AGMAT: variants seen among roughly 807,000 people sequenced by gnomAD.
AGMAT encodes agmatinase (putative).
AGMAT carries 37 observed loss-of-function variants against 29.3 expected under a neutral mutation model. The ratio of observed to expected loss-of-function variants is 1.26; its 90% CI spans 0.97 to 1.66. AGMAT has a LOEUF of 1.66. Among genes scored for constraint, AGMAT ranks in the 40% most tolerant of loss-of-function variants. The probability of loss-of-function intolerance (pLI) is 0.00; values close to 1 mark genes in which losing one functional copy is unlikely to be tolerated. For synonymous variants in AGMAT, 199 were observed against 200.8 expected (o/e 0.99, Z 0.08); for missense variants, 498 against 497.8 (o/e 1.00, Z 0.00).
chr1:15,583,531 A>G, intron 1 of AGMAT, 136 bp from the exon 2 acceptor site: 1 of 851,500 alleles, frequency 1.2e-6, no homozygotes. Context: ...AATGCTTAGC[A>G]GCATCCCGGC....
At chr1:15,581,172 AC>A (rs1639108102) in intron 2 of AGMAT, among the ~76,000 whole-genome samples, 1 of 151,664 alleles carries the variant, frequency 6.6e-6, no homozygotes, top group Non-Finnish European at 1.5e-5. Flanking sequence ...ATACATTAAG[AC>A]CCCGTCTTTG....
At chr1:15,573,755 C>G in intron 6 of AGMAT, 31 bp from the exon 7 acceptor site, 1 of 1,597,554 alleles carries the variant, frequency 6.3e-7, no homozygotes, top group South Asian at 1.1e-5. Context: ...ACATGAATAC[C>G]CTGCAGACGA....
At chr1:15,576,625 T>C (rs543981955) in intron 5 of AGMAT, among the ~76,000 whole-genome samples, 1 of 149,600 alleles carries the variant, frequency 6.7e-6, no homozygotes, top group South Asian at 2.1e-4. Flanking sequence ...AGACAGGGTT[T>C]CACCATCTTG....
At chr1:15,574,062 T>C (rs1181395457) in intron 6 of AGMAT, among the ~76,000 whole-genome samples, 2 of 152,214 alleles carry the variant, frequency 1.3e-5, no homozygotes, top group African/African-American at 2.4e-5. Flanking sequence ...TTAAAATTAT[T>C]GGGATGGCGT....
chr1:15,576,776 G>GTTT (rs1639046176), intron 5 of AGMAT, among the ~76,000 whole-genome samples: 1 of 24,692 alleles, frequency 4.0e-5, no homozygotes, highest in African/African-American at 1.1e-4. Context: ...TTGAGATGGA[G>GTTT]TTTCACTCTT....
At position 15,584,580 on chromosome 1, in the gene AGMAT, A is replaced by G. The variant is rs767420710; in HGVS notation, c.272+116T>C. 9.2e-4 allele frequency: 1,036 copies of G among 1,131,344 alleles called. 3 individuals are homozygous for G. The highest frequency in any genetic ancestry group is 1.0e-3 in the Non-Finnish European group (891 of 893,796). The allele number at this position is 1,131,344 out of a possible 1,614,324, so 70.1% of individuals were successfully genotyped here. ...CATAAGGGGCATTTTGGAGCCGGCC[A>G]CCAGCTTCCAACTCGACCCGGGGCC... On this transcript the variant is annotated intron_variant, in intron 1 of 6. Transcript: ENST00000375826.
chr1:15,578,935 T>C lies in AGMAT; in HGVS notation c.644A>G (p.Asp215Gly). ...GCCAATCTGCACCACACGCTTACAG[T>C]CCAGGAGACCCTCATCCACACACCG... Reference protein sequence around the residue: ...FRRCVDEGLLDCKRVVQIGIR... With the variant: ...FRRCVDEGLLGCKRVVQIGIR... Residue 215 changes from aspartate (D) to glycine (G), a missense_variant, in exon 4 of 7, where the codon GAC becomes GGC. Asp to Gly is a moderately conservative substitution (Grantham distance 94). Transcript: ENST00000375826. 1 of 1,614,070 alleles carries C rather than the reference T, an allele frequency of 6.2e-7. No individual in the cohort carries two copies. Among genetic ancestry groups the C allele is most frequent in the Non-Finnish European group, 8.5e-7 (1 of 1,180,010 alleles).
chr1:15,578,841 G>T lies in AGMAT; in HGVS notation c.720+18C>A. The stretch of plus-strand genomic sequence containing the variant: ...AGACATTTTGAGGGGCAAGGGTGGG[G>T]GGCATTCGGTCTGTCACCTGGCTCC... On this transcript the variant is annotated intron_variant, in intron 4 of 6. Transcript: ENST00000375826. The T allele has an allele frequency of 6.2e-7, 1 of 1,611,050 alleles. No homozygotes were observed. Among genetic ancestry groups the T allele is most frequent in the Non-Finnish European group, 8.5e-7 (1 of 1,177,608 alleles).
intron 6 of AGMAT, 138 bp downstream of exon 6, chr1:15,574,619 C>G (rs1329745320): frequency 1.5e-6 from 1 of 669,412 alleles, no homozygotes; most frequent in Non-Finnish European, 2.6e-6. Flanking sequence ...CTCAGGTGAG[C>G]TGCCCACCTT....
chr1:15,572,294 C>T lies in AGMAT; in HGVS notation c.*1357G>A, dbSNP rs1412412626. ...CAGGCTGGTCTTGAACTCCTGACCT[C>T]AGGTGATCCTCCCGCCTAGGCCTGG... On this transcript the variant is annotated 3_prime_UTR_variant, in exon 7 of 7. Coordinates refer to ENST00000375826, the MANE Select transcript of AGMAT (RefSeq NM_024758.5). The T allele has an allele frequency of 3.4e-5, 5 of 149,078 alleles. No individual in the cohort carries two copies. The highest frequency in any genetic ancestry group is 7.4e-5 in the Non-Finnish European group (5 of 67,728). The allele number at this position is 149,078 out of a possible 1,614,324, so 9.2% of individuals were successfully genotyped here. A position where few individuals can be genotyped will look rare whatever the true frequency, so the allele number is the denominator to read the frequency against.
intron 5 of AGMAT, among the ~76,000 whole-genome samples, 163 bp downstream of exon 5, chr1:15,577,522 G>A (rs1393518039): frequency 4.6e-5 from 7 of 152,152 alleles, no homozygotes; most frequent in African/African-American, 1.2e-4. Context: ...GCAGTGAGCC[G>A]AGATCGCACC....
At chr1:15,578,327 C>CT (rs1639066829) in intron 4 of AGMAT, among the ~76,000 whole-genome samples, 1 of 151,550 alleles carries the variant, frequency 6.6e-6, no homozygotes, top group African/African-American at 2.4e-5. Flanking sequence ...TGGAGTCTCA[C>CT]TTTGTCACCT....
chr1:15,578,990 C>T lies in AGMAT; in HGVS notation c.589G>A (p.Glu197Lys). ...AAGGGCGCCCCGTGGTAGAGCTTCTCTCCTAGGGCCTTGTCGGTCGTGTCC... is the reference window on the plus strand; with the variant it reads ...AAGGGCGCCCCGTGGTAGAGCTTCTTTCCTAGGGCCTTGTCGGTCGTGTCC... ...HTDTTDKALG[E>K]KLYHGAPFRR... Residue 197 changes from glutamate (E) to lysine (K), a missense_variant, in exon 4 of 7, where the codon GAG becomes AAG. Glu to Lys is a moderately conservative substitution (Grantham distance 56). Transcript: ENST00000375826. 1 of 1,614,194 alleles carries T rather than the reference C, an allele frequency of 6.2e-7. No individual in the cohort carries two copies. Among genetic ancestry groups the T allele is most frequent in the Middle Eastern group, 1.6e-4 (1 of 6,062 alleles).
In AGMAT at chr1:15,584,925, G is replaced by A; in HGVS notation, c.43C>T (p.Pro15Ser). The A allele has an allele frequency of 2.2e-6, 3 of 1,369,872 alleles. No individual in the cohort carries two copies. Among genetic ancestry groups the A allele is most frequent in the Non-Finnish European group, 2.8e-6 (3 of 1,070,014 alleles). The allele number at this position is 1,369,872 out of a possible 1,614,324, so 84.9% of individuals were successfully genotyped here. A position where few individuals can be genotyped will look rare whatever the true frequency, so the allele number is the denominator to read the frequency against. ...LASGCARGPG[P>S]GVGARPAAGL... ...GCGGCAGGACGCGCGCCCACGCCGG[G>A]CCCCGGGCCCCGGGCGCACCCGGAC... The change falls in exon 1 of 7, where the codon CCC (proline) becomes TCC (serine). Residue 15 changes from proline (P) to serine (S), a missense_variant. Pro to Ser is a moderately conservative substitution (Grantham distance 74). Coordinates refer to ENST00000375826, the MANE Select transcript of AGMAT (RefSeq NM_024758.5).
rs1210269557 is a variant in AGMAT at position 15,577,884 on chromosome 1, G to C, written c.721-20C>G. The C allele has an allele frequency of 6.2e-7, 1 of 1,608,418 alleles. No individual in the cohort carries two copies. Among genetic ancestry groups the C allele is most frequent in the African/African-American group, 1.3e-5 (1 of 74,814 alleles). On this transcript the variant is annotated intron_variant, in intron 4 of 6. Coordinates refer to ENST00000375826, the MANE Select transcript of AGMAT (RefSeq NM_024758.5). ...GAAGCCCTGCAGAGACAGGGACTGA[G>C]GTTTCTGTCTGGCAGCATTTACAGG... is the stretch of plus-strand genomic sequence containing the variant.
Position 15,583,107 on chromosome 1 carries a change from G to A in AGMAT, c.475+86C>T. The A allele has an allele frequency of 6.5e-6, 8 of 1,240,094 alleles. No homozygotes were observed. The South Asian group carries it at 1.0e-4, about 16-fold the overall frequency. 76.8% of individuals were successfully genotyped at this position (1,240,094 alleles called of 1,614,324 possible). A position where few individuals can be genotyped will look rare whatever the true frequency, so the allele number is the denominator to read the frequency against. On this transcript the variant is annotated intron_variant, in intron 2 of 6. Transcript: ENST00000375826. Reference sequence around the variant, plus strand: ...CACATTTGCAGTGGCTTGCAGGGGAGAAGTAGCTGTACTCAAGCCCCTGAG... The same window carrying A: ...CACATTTGCAGTGGCTTGCAGGGGAAAAGTAGCTGTACTCAAGCCCCTGAG...
intron 5 of AGMAT, among the ~76,000 whole-genome samples, chr1:15,576,886 A>G (rs1639047650): frequency 6.6e-6 from 1 of 150,474 alleles, no homozygotes; most frequent in South Asian, 2.1e-4. Flanking sequence ...AGTAGCTGAG[A>G]TTACAGGCAC....
At chr1:15,575,073 C>T (rs1290768066) in intron 5 of AGMAT, 2 of 431,726 alleles carry the variant, frequency 4.6e-6, no homozygotes, top group South Asian at 5.0e-5. Flanking sequence ...GGAAACCAAT[C>T]GTTTCAATGT....
intron 2 of AGMAT, among the ~76,000 whole-genome samples, chr1:15,582,392 TG>T (rs532193985): frequency 7.4e-4 from 113 of 152,202 alleles, no homozygotes; most frequent in African/African-American, 2.6e-3. Context: ...ATCTTACAGG[TG>T]AGGGTGTGAA....
Sources: allele counts gnomAD v4.1 joint callset (sites outside exome capture counted in the v4.1 genomes callset), GRCh38; gene constraint gnomAD v4.1.1; transcripts MANE v1.5; gene names NCBI Gene and HGNC (gene_info 2026-07-23, HGNC 2026-07-21).